WDPCP: variants seen among roughly 807,000 people sequenced by gnomAD.
WDPCP encodes WD repeat containing planar cell polarity effector.
A neutral mutation model predicts 93.1 loss-of-function variants in WDPCP; 71 were observed. That is an observed-to-expected ratio of 0.76 (90% CI 0.63 to 0.93). The LOEUF (loss-of-function observed/expected upper bound fraction) is 0.93, where lower values mean the gene tolerates loss of function less well. Ranked by LOEUF, WDPCP falls within the 40% of genes least tolerant of loss-of-function variation. The pLI is 0.00. For missense variants in WDPCP, 844 were observed against 887.4 expected, an observed-to-expected ratio of 0.95 and a Z score of 0.62; for synonymous variants, 315 against 315.0, an observed-to-expected ratio of 1.00 and a Z score of 0.00.
At chr2:63,124,686 T>C (rs1356455905) in intron 17 of WDPCP, among the ~76,000 whole-genome samples, 1 of 152,210 alleles carries the variant, frequency 6.6e-6, no homozygotes, top group African/African-American at 2.4e-5. Flanking sequence ...TGATTTGGTT[T>C]AATAATAATT....
chr2:63,502,316 C>T (rs1191799211), intron 1 of WDPCP, among the ~76,000 whole-genome samples: 1 of 152,068 alleles, frequency 6.6e-6, no homozygotes, highest in African/African-American at 2.4e-5. Flanking sequence ...AATAAATAAC[C>T]ATCTGTTTCT....
intron 2 of WDPCP, among the ~76,000 whole-genome samples, chr2:63,780,487 C>A (rs530080150): frequency 6.6e-6 from 1 of 152,264 alleles, no homozygotes; most frequent in African/African-American, 2.4e-5. Context: ...GTTAATGAAC[C>A]AAGCTGAACA....
chr2:63,797,968 T>A (rs1670640281), intron 2 of WDPCP, among the ~76,000 whole-genome samples: 1 of 152,054 alleles, frequency 6.6e-6, no homozygotes, highest in African/African-American at 2.4e-5. Flanking sequence ...GGAGCTCCAA[T>A]ATGTCTGGCA....
intron 14 of WDPCP, among the ~76,000 whole-genome samples, chr2:63,175,418 CA>C (rs36047654): frequency 0.59 from 87,208 of 148,232 alleles, 26,078 homozygotes; most frequent in Non-Finnish European, 0.66. Flanking sequence ...TATTAAAAAC[CA>C]AAAAAAAAAA....
intron 3 of WDPCP, chr2:63,606,032 A>G (rs777201606): frequency 6.8e-6 from 11 of 1,612,374 alleles, no homozygotes; most frequent in Non-Finnish European, 8.5e-6. Context: ...AATCAAGGTA[A>G]GGTATTTTGG....
At chr2:63,251,140 C>T (rs1269425038) in intron 14 of WDPCP, among the ~76,000 whole-genome samples, 1 of 152,062 alleles carries the variant, frequency 6.6e-6, no homozygotes, top group Non-Finnish European at 1.5e-5. Context: ...ACTAAATGAA[C>T]TTGAGATCCA....
chr2:63,353,336 T>G (rs1689771303), intron 12 of WDPCP, among the ~76,000 whole-genome samples: 1 of 152,108 alleles, frequency 6.6e-6, no homozygotes, highest in African/African-American at 2.4e-5. Flanking sequence ...CATTGGAACA[T>G]ACCCCTAGGA....
In WDPCP at chr2:63,439,737, T is replaced by G. The variant is rs186575824; in HGVS notation, c.499+20A>C. 1.2e-6 allele frequency: 2 copies of G among 1,604,856 alleles called. No homozygotes were observed. The highest frequency in any genetic ancestry group is 1.7e-6 in the Non-Finnish European group (2 of 1,172,028). On this transcript the variant is annotated intron_variant, in intron 7 of 17. Transcript: ENST00000272321. ...CCCACTGTTAATGTAGGCAATTGAT[T>G]TGCACATGGGGGTAATTACCATCAC...
intron 10 of WDPCP, among the ~76,000 whole-genome samples, chr2:63,396,386 G>T (rs1465890159): frequency 6.6e-6 from 1 of 152,170 alleles, no homozygotes; most frequent in Non-Finnish European, 1.5e-5. Context: ...CACGTTGCCT[G>T]TGATTTTAAA....
chr2:63,480,969 A>G (rs976052771), intron 6 of WDPCP, among the ~76,000 whole-genome samples: 1 of 152,184 alleles, frequency 6.6e-6, no homozygotes, highest in Non-Finnish European at 1.5e-5. Context: ...GTGGGAAAAA[A>G]TCTTCACAAT....
intron 14 of WDPCP, chr2:63,228,387 C>CTTTTTTTTTTT: frequency 1.3e-4 from 14 of 110,410 alleles, no homozygotes; most frequent in African/African-American, 2.8e-4. Flanking sequence ...TTTTCTTTTT[C>CTTTTTTTTTTT]TTTTTTTTTT....
intron 6 of WDPCP, among the ~76,000 whole-genome samples, chr2:63,451,617 CA>C (rs969208706): frequency 2.6e-5 from 4 of 152,118 alleles, no homozygotes; most frequent in African/African-American, 9.7e-5. Flanking sequence ...ATCCTGATAC[CA>C]AAGCCTGGCA....
At chr2:63,686,524 C>G (rs745649338) in intron 2 of WDPCP, among the ~76,000 whole-genome samples, 1 of 152,090 alleles carries the variant, frequency 6.6e-6, no homozygotes, top group Non-Finnish European at 1.5e-5. Context: ...CCAAAGTAAT[C>G]TGCAGATTTG....
intron 6 of WDPCP, among the ~76,000 whole-genome samples, chr2:63,461,700 T>C (rs148842002): frequency 1.3e-5 from 2 of 152,294 alleles, no homozygotes; most frequent in East Asian, 1.9e-4. Flanking sequence ...ATTCAAATTA[T>C]TGATTCATGT....
chr2:63,327,933 C>T (rs1367580649), intron 12 of WDPCP, among the ~76,000 whole-genome samples: 3 of 152,164 alleles, frequency 2.0e-5, no homozygotes, highest in African/African-American at 7.2e-5. Flanking sequence ...TAAAGAGTTC[C>T]CCTCTGAAGG....
At position 63,457,078 on chromosome 2, in the gene WDPCP, A is replaced by C. The variant is rs137973879; in HGVS notation, c.385-17207T>G. Reference sequence around the variant, plus strand: ...TTCAAAAAGACAAACAAAATGGATAAACTACTTGCTAGAATAACCAAGAAC... The same window carrying C: ...TTCAAAAAGACAAACAAAATGGATACACTACTTGCTAGAATAACCAAGAAC... On this transcript the variant is annotated intron_variant, in intron 6 of 17. Transcript: ENST00000272321. Among the ~76,000 whole-genome samples the C allele has an allele frequency of 1.2e-4, 19 of 152,302 alleles. No homozygotes were observed. In the East Asian group the frequency reaches 3.7e-3, roughly 29 times the overall value.
At chr2:63,466,594 AC>A (rs1699359711) in intron 6 of WDPCP, among the ~76,000 whole-genome samples, 1 of 152,228 alleles carries the variant, frequency 6.6e-6, no homozygotes, top group Non-Finnish European at 1.5e-5. Context: ...AAAAATCAGT[AC>A]TAGTATTTAA....
Position 63,644,132 on chromosome 2 carries a change from A to G in WDPCP, n.488+6527T>C, listed in dbSNP as rs1274584693. ...GTTGAGAATTTTTGCATCAATGTTC[A>G]TCAGGGATATTGGCCTATAGTTTTA... On this transcript the variant is annotated intron_variant and non_coding_transcript_variant, in intron 3 of 4. Transcript: ENST00000467687. 9.0e-6 allele frequency: 3 copies of G among 334,974 alleles called. No homozygotes were observed. In the East Asian group the frequency reaches 2.2e-4, roughly 25 times the overall value. 20.8% of individuals were successfully genotyped at this position (334,974 alleles called of 1,614,324 possible). A position where few individuals can be genotyped will look rare whatever the true frequency, so the allele number is the denominator to read the frequency against.
intron 2 of WDPCP, among the ~76,000 whole-genome samples, chr2:63,727,916 T>A (rs964257496): frequency 6.6e-6 from 1 of 152,304 alleles, no homozygotes; most frequent in Middle Eastern, 3.4e-3. Flanking sequence ...TTTTCCTTTA[T>A]TAGTCTAGCT....
Sources: gnomAD v4.1 joint callset for allele counts (sites outside exome capture counted in the v4.1 genomes callset) on GRCh38, gnomAD v4.1.1 for gene constraint, MANE v1.5 for transcripts, NCBI Gene and HGNC (gene_info 2026-07-23, HGNC 2026-07-21) for gene names.